The following BMPR1A variants were observed in gnomAD, a reference collection of about 807,000 sequenced individuals.
The protein encoded by BMPR1A is bone morphogenetic protein receptor type 1A, also known as bone morphogenetic protein receptor type-1A.
Under a neutral mutation model 66.0 loss-of-function variants are expected in BMPR1A, and 7 were observed. The ratio of observed to expected loss-of-function variants is 0.11; its 90% CI spans 0.06 to 0.20. The LOEUF is 0.20. Ranked by LOEUF, BMPR1A falls within the 10% of genes least tolerant of loss-of-function variation. The probability of loss-of-function intolerance (pLI) is 1.00; values close to 1 mark genes in which losing one functional copy is unlikely to be tolerated. For synonymous variants in BMPR1A, 200 were observed against 229.7 expected, an observed-to-expected ratio of 0.87 and a Z score of 1.17; for missense variants, 408 against 669.1, an observed-to-expected ratio of 0.61 and a Z score of 4.31.
intron 5 of BMPR1A, among the ~76,000 whole-genome samples, chr10:86,898,088 A>G (rs1187216540): frequency 1.3e-5 from 2 of 151,598 alleles, no homozygotes; most frequent in Non-Finnish European, 2.9e-5. Context: ...CTTCTTTTTA[A>G]AAATTATTAT....
chr10:86,874,245 T>G (rs1049552188), intron 2 of BMPR1A, among the ~76,000 whole-genome samples: 1 of 152,200 alleles, frequency 6.6e-6, no homozygotes, highest in Non-Finnish European at 1.5e-5. Context: ...CATTTAAAAG[T>G]TCACTGTCTA....
intron 1 of BMPR1A, among the ~76,000 whole-genome samples, chr10:86,827,389 C>A (rs1296048410): frequency 6.6e-6 from 1 of 151,894 alleles, no homozygotes; most frequent in East Asian, 1.9e-4. Flanking sequence ...TATAATATTC[C>A]AAATTACTGG....
At chr10:86,882,738 G>T (rs981159898) in intron 3 of BMPR1A, among the ~76,000 whole-genome samples, 2 of 151,528 alleles carry the variant, frequency 1.3e-5, no homozygotes, top group African/African-American at 4.8e-5. Context: ...GCTGAGACGG[G>T]CGGATCACCT....
At chr10:86,789,755 CA>C (rs1841573635) in intron 1 of BMPR1A, among the ~76,000 whole-genome samples, 2 of 150,248 alleles carry the variant, frequency 1.3e-5, no homozygotes, top group Non-Finnish European at 3.0e-5. Flanking sequence ...CTTAGAAAAC[CA>C]AAAATCTAAT....
intron 2 of BMPR1A, among the ~76,000 whole-genome samples, chr10:86,862,584 C>T (rs1842725777): frequency 1.3e-5 from 2 of 152,120 alleles, no homozygotes; most frequent in Admixed American, 1.3e-4. Context: ...TAGGAGGTGC[C>T]TTCAGCAATC....
At chr10:86,866,401 T>TTTTTTTTTC (rs1842786565) in intron 2 of BMPR1A, among the ~76,000 whole-genome samples, 1 of 81,464 alleles carries the variant, frequency 1.2e-5, no homozygotes, top group Admixed American at 1.1e-4. Flanking sequence ...GTTTCTTTCT[T>TTTTTTTTTC]TTTTTTTTTT....
chr10:86,854,236 C>G (rs1024784304), intron 2 of BMPR1A, among the ~76,000 whole-genome samples: 1 of 152,208 alleles, frequency 6.6e-6, no homozygotes, highest in Non-Finnish European at 1.5e-5. Flanking sequence ...CTCTTATTCC[C>G]TGAACATTGC....
intron 1 of BMPR1A, among the ~76,000 whole-genome samples, chr10:86,819,721 C>T (rs183265989): frequency 2.8e-4 from 42 of 152,328 alleles, no homozygotes; most frequent in African/African-American, 9.6e-4. Context: ...ACGTCAGCCT[C>T]ATGGATTGTG....
intron 5 of BMPR1A, among the ~76,000 whole-genome samples, chr10:86,899,555 T>C (rs1843275251): frequency 1.3e-5 from 2 of 152,204 alleles, no homozygotes; most frequent in Admixed American, 6.5e-5. Context: ...AAGTTCGGGT[T>C]TGGTGTTCTA....
In BMPR1A at chr10:86,828,785, T is replaced by TA. The variant is rs10711218; in HGVS notation, c.-267-10070dup. ...TTGATAATTTCTCAAAAGCTCTGTA[T>TA]AAAAAAAAAATATATATACAATAAT... On this transcript the variant is annotated intron_variant, in intron 1 of 12. Transcript: ENST00000372037. Among the ~76,000 whole-genome samples the TA allele has an allele frequency of 3.8e-4, 52 of 137,670 alleles. No individual in the cohort carries two copies. In the East Asian group the frequency reaches 7.1e-3, roughly 19 times the overall value. The allele number at this position is 137,670 out of a possible 152,430, so 90.3% of individuals were successfully genotyped here. A position where few individuals can be genotyped will look rare whatever the true frequency, so the allele number is the denominator to read the frequency against.
At chr10:86,759,534 C>G (rs1004368459) in intron 1 of BMPR1A, among the ~76,000 whole-genome samples, 2 of 152,056 alleles carry the variant, frequency 1.3e-5, no homozygotes, top group African/African-American at 4.8e-5. Context: ...GATGTCATAC[C>G]AAACCCAAAC....
intron 1 of BMPR1A, among the ~76,000 whole-genome samples, chr10:86,769,405 A>G (rs1841215041): frequency 6.6e-6 from 1 of 152,244 alleles, no homozygotes; most frequent in Non-Finnish European, 1.5e-5. Flanking sequence ...CAGCGTGGAC[A>G]ACATAGCGAG....
intron 1 of BMPR1A, among the ~76,000 whole-genome samples, chr10:86,827,000 A>G (rs567574492): frequency 0.018 from 2,699 of 152,130 alleles, 85 homozygotes; most frequent in African/African-American, 0.062. Flanking sequence ...TTATCTTTCT[A>G]TCTATTTATA....
At chr10:86,813,815 A>G (rs1048781927) in intron 1 of BMPR1A, among the ~76,000 whole-genome samples, 1 of 152,178 alleles carries the variant, frequency 6.6e-6, no homozygotes, top group East Asian at 1.9e-4. Context: ...CCCTCTATCT[A>G]CATGGGTTCT....
At chr10:86,798,522 A>G (rs1041543243) in intron 1 of BMPR1A, among the ~76,000 whole-genome samples, 4 of 152,196 alleles carry the variant, frequency 2.6e-5, no homozygotes, top group African/African-American at 4.8e-5. Context: ...TTTACAGAAA[A>G]ATGAGTGGCT....
chr10:86,771,875 C>G (rs1046402434), intron 1 of BMPR1A, among the ~76,000 whole-genome samples: 6 of 152,100 alleles, frequency 3.9e-5, no homozygotes, highest in African/African-American at 1.4e-4. Flanking sequence ...TTAGATCCTC[C>G]CGCCTTGACC....
intron 1 of BMPR1A, among the ~76,000 whole-genome samples, chr10:86,815,145 A>C (rs1288980957): frequency 6.6e-6 from 1 of 152,134 alleles, no homozygotes; most frequent in African/African-American, 2.4e-5. Flanking sequence ...GCCATGGGTC[A>C]GTTTTATTGG....
At chr10:86,874,709 C>CTTTTTTT (rs200991488) in intron 2 of BMPR1A, among the ~76,000 whole-genome samples, 1 of 92,430 alleles carries the variant, frequency 1.1e-5, no homozygotes, top group African/African-American at 5.0e-5. Context: ...ACCCGACCTT[C>CTTTTTTT]TTTTTTTTTT....
intron 1 of BMPR1A, among the ~76,000 whole-genome samples, chr10:86,766,011 G>T (rs1841156614): frequency 1.1e-5 from 1 of 87,092 alleles, no homozygotes. Context: ...TTTGAGGGAA[G>T]GTCTTGTTCT....
Sources: allele counts gnomAD v4.1 joint callset (sites outside exome capture counted in the v4.1 genomes callset), GRCh38; gene constraint gnomAD v4.1.1; transcripts MANE v1.5; gene names NCBI Gene and HGNC (gene_info 2026-07-23, HGNC 2026-07-21).